DCST1: variants seen among roughly 807,000 people sequenced by gnomAD.
DCST1 encodes the protein DC-STAMP domain containing 1, also known as E3 ubiquitin-protein ligase DCST1.
DCST1 carries 78 observed loss-of-function variants against 89.1 expected under a neutral mutation model. That is an observed-to-expected ratio of 0.88 (90% CI 0.73 to 1.06). The LOEUF (loss-of-function observed/expected upper bound fraction) is 1.06. Ranked by LOEUF, DCST1 falls within the 50% of genes least tolerant of loss-of-function variation. The pLI is 0.00. For synonymous variants in DCST1, 364 were observed against 371.9 expected, an observed-to-expected ratio of 0.98 and a Z score of 0.24; for missense variants, 900 against 928.6, an observed-to-expected ratio of 0.97 and a Z score of 0.40.
chr1:155,036,047 C>CAAAAAAAAAAAA (rs11445380), intron 4 of DCST1, among the ~76,000 whole-genome samples: 1 of 71,246 alleles, frequency 1.4e-5, no homozygotes, highest in Non-Finnish European at 2.7e-5. Flanking sequence ...AACTCTGTCT[C>CAAAAAAAAAAAA]AAAAAAAAAA....
Position 155,050,816 on chromosome 1 carries a change from T to A in DCST1, c.2069T>A (p.Leu690His), listed in dbSNP as rs1410913245. The change falls in exon 17 of 17, where the codon CTC (leucine) becomes CAC (histidine). Residue 690 changes from leucine to histidine, a missense_variant. Transcript: ENST00000295542. ...RCPVCTPREELSSSAFSDSND... is the reference protein window; with the variant it reads ...RCPVCTPREEHSSSAFSDSND... The stretch of plus-strand genomic sequence containing the variant: ...CCGGTCTGCACGCCCCGCGAAGAGC[T>A]CTCTTCCTCCGCCTTTAGTGACAGC... The A allele has an allele frequency of 2.5e-6, 4 of 1,612,866 alleles. No individual in the cohort carries two copies. The highest frequency in any genetic ancestry group is 1.7e-4 in the Middle Eastern group (1 of 6,060).
Position 155,050,647 on chromosome 1 carries a change from G to T in DCST1, c.1900G>T (p.Gly634Cys). The change falls in exon 17 of 17, where the codon GGC becomes TGC. Residue 634 changes from glycine (G) to cysteine (C), a missense_variant. By Grantham distance (159) the Gly-to-Cys change is radical. Coordinates refer to ENST00000295542, the MANE Select transcript of DCST1 (RefSeq NM_152494.4). ...RHPLADILHR[G>C]CPLLRRWLCR... ...CCCGCTGGCGGATATCCTGCACCGC[G>T]GCTGCCCGCTCCTGCGCCGCTGGCT... The T allele has an allele frequency of 6.3e-7, 1 of 1,595,708 alleles. No homozygotes were observed. Among genetic ancestry groups the T allele is most frequent in the Non-Finnish European group, 8.5e-7 (1 of 1,174,670 alleles).
intron 13 of DCST1, among the ~76,000 whole-genome samples, chr1:155,046,737 C>G (rs1025403047): frequency 6.6e-6 from 1 of 151,576 alleles, no homozygotes; most frequent in African/African-American, 2.4e-5. Flanking sequence ...TCTTGAGTAG[C>G]TGAGATTACA....
rs750197431 is a variant in DCST1 at position 155,040,507 on chromosome 1, C to G, written c.414C>G (p.His138Gln). The change falls in exon 6 of 17, where the codon CAC (histidine) becomes CAG (glutamine). Residue 138 changes from histidine (H) to glutamine (Q), a missense_variant. Physicochemically the swap from His to Gln is conservative, Grantham distance 24. Coordinates refer to ENST00000295542, the MANE Select transcript of DCST1 (RefSeq NM_152494.4). ...IYVGPVANLR[H>Q]NLNNVIASLG... is the part of the protein sequence containing the mutation. ...CAGGGCCAGTAGCCAATCTGCGACACAATCTCAACAACGTGATCGCATCGC... is the reference window on the plus strand; with the variant it reads ...CAGGGCCAGTAGCCAATCTGCGACAGAATCTCAACAACGTGATCGCATCGC... 6.3e-7 allele frequency: 1 copy of G among 1,599,424 alleles called. No homozygotes were observed. The highest frequency in any genetic ancestry group is 1.3e-5 in the African/African-American group (1 of 74,878).
intron 6 of DCST1, 112 bp downstream of exon 6, chr1:155,040,736 G>A (rs1017023060): frequency 1.6e-5 from 22 of 1,417,330 alleles, no homozygotes; most frequent in Non-Finnish European, 1.9e-5. Flanking sequence ...GATACTACTG[G>A]CATTTTTTGC....
At chr1:155,040,095 G>A (rs188737996) in intron 5 of DCST1, among the ~76,000 whole-genome samples, 20 of 148,952 alleles carry the variant, frequency 1.3e-4, no homozygotes, top group Non-Finnish European at 2.7e-4. Flanking sequence ...GAAGTCAGGA[G>A]TTCGACACCA....
chr1:155,044,356 C>G (rs1660538293), intron 10 of DCST1, among the ~76,000 whole-genome samples: 1 of 151,980 alleles, frequency 6.6e-6, no homozygotes, highest in African/African-American at 2.4e-5. Context: ...GGGGCACATG[C>G]CTGTAGTCCC....
At chr1:155,035,434 T>A (rs963313668) in intron 4 of DCST1, among the ~76,000 whole-genome samples, 1 of 152,080 alleles carries the variant, frequency 6.6e-6, no homozygotes, top group Admixed American at 6.5e-5. Context: ...AGTTCTGGGA[T>A]TACAGGTGTA....
At chr1:155,041,136 G>C (rs1247686915) in intron 6 of DCST1, among the ~76,000 whole-genome samples, 1 of 152,166 alleles carries the variant, frequency 6.6e-6, no homozygotes. Context: ...TCTGGGATGG[G>C]AGGACTGAGG....
chr1:155,039,177 TC>T (rs1265939310), intron 4 of DCST1, among the ~76,000 whole-genome samples: 1 of 152,218 alleles, frequency 6.6e-6, no homozygotes, highest in Non-Finnish European at 1.5e-5. Context: ...GTTCTAGCCA[TC>T]CCTCTATGCC....
chr1:155,041,402 C>G lies in DCST1; in HGVS notation c.537C>G (p.Ser179Arg). ...CCCTCCACCTCCAATCCCAGAGTAG[C>G]AAAGAATTGCTGAGAGCAGAGACTC... is the stretch of plus-strand genomic sequence containing the variant. ...LRAMFKDLLSSKELLRAETRN... is the reference protein window; with the variant it reads ...LRAMFKDLLSRKELLRAETRN... The change falls in exon 7 of 17, where the codon AGC becomes AGG. Residue 179 changes from serine (S) to arginine (R), a missense_variant. By Grantham distance (110) the Ser-to-Arg change is moderately radical. Transcript: ENST00000295542. 6.2e-7 allele frequency: 1 copy of G among 1,613,660 alleles called. No individual in the cohort carries two copies.
chr1:155,035,810 G>A lies in DCST1; in HGVS notation c.262+1083G>A, dbSNP rs182150637. 1.0e-3 allele frequency among the ~76,000 whole-genome samples: 159 copies of A among 151,954 alleles called. 2 individuals are homozygous for A. Among genetic ancestry groups the A allele is most frequent in the African/African-American group, 3.7e-3 (152 of 41,444 alleles). On this transcript the variant is annotated intron_variant, in intron 4 of 16. Transcript: ENST00000295542. ...CCGGATGTGGTGGTGCACACCTGTA[G>A]TCCCAGCTTCTTGGGAGGCTGAGGC... is the stretch of plus-strand genomic sequence containing the variant.
chr1:155,036,171 G>A (rs1213932810), intron 4 of DCST1, among the ~76,000 whole-genome samples: 1 of 151,724 alleles, frequency 6.6e-6, no homozygotes, highest in Non-Finnish European at 1.5e-5. Context: ...TCAGAACTGC[G>A]TGCAACACAT....
rs1370579154 is a variant in DCST1 at position 155,041,806 on chromosome 1, C to T, written c.841C>T (p.His281Tyr). 5 of 1,614,142 alleles carry T rather than the reference C, an allele frequency of 3.1e-6. No individual in the cohort carries two copies. Among genetic ancestry groups the T allele is most frequent in the Non-Finnish European group, 4.2e-6 (5 of 1,180,050 alleles). ...MKHIWVPLLT[H>Y]LLCLPMKFKF... ...GCACATCTGGGTCCCACTCCTCACCCACCTGCTCTGCCTGCCTATGAAGTT... is the reference window on the plus strand; with the variant it reads ...GCACATCTGGGTCCCACTCCTCACCTACCTGCTCTGCCTGCCTATGAAGTT... The change falls in exon 8 of 17, where the codon CAC becomes TAC. Residue 281 changes from histidine to tyrosine, a missense_variant. Transcript: ENST00000295542.
chr1:155,037,297 T>C (rs1381284350), intron 4 of DCST1, among the ~76,000 whole-genome samples: 1 of 152,152 alleles, frequency 6.6e-6, no homozygotes, highest in Non-Finnish European at 1.5e-5. Flanking sequence ...TTCCCCTTCC[T>C]GCAGCGCCAG....
intron 8 of DCST1, 111 bp downstream of exon 8, chr1:155,041,968 G>A: frequency 6.9e-7 from 1 of 1,451,982 alleles, no homozygotes; most frequent in Non-Finnish European, 9.3e-7. Context: ...TTTTGGCCCT[G>A]AGGCCACAGC....
chr1:155,042,769 G>A lies in DCST1; in HGVS notation c.927G>A (p.Val309=), dbSNP rs763862619. The part of the protein sequence containing the change: ...MEVWCRNRIP[V]EGNFGQTYDS... Reference sequence around the variant, plus strand: ...TTTGGTGCCGCAATCGCATCCCAGTGGAAGGCAACTTTGGGCAGACCTACG... The same window carrying A: ...TTTGGTGCCGCAATCGCATCCCAGTAGAAGGCAACTTTGGGCAGACCTACG... Residue 309 remains valine (V), a synonymous_variant, in exon 9 of 17, where the codon GTG becomes GTA. Transcript: ENST00000295542. The A allele has an allele frequency of 3.8e-5, 61 of 1,614,100 alleles. No homozygotes were observed. The highest frequency in any genetic ancestry group is 5.1e-5 in the Non-Finnish European group (60 of 1,180,058).
chr1:155,043,001 C>G, intron 9 of DCST1, 145 bp downstream of exon 9: 1 of 1,311,484 alleles, frequency 7.6e-7, no homozygotes, highest in South Asian at 1.5e-5. Flanking sequence ...GGGGGAATGT[C>G]GCTGGTGTTG....
At chr1:155,049,204 C>T in intron 16 of DCST1, 1 of 613,380 alleles carries the variant, frequency 1.6e-6, no homozygotes, top group African/African-American at 1.8e-5. Flanking sequence ...TGGGCTTTTG[C>T]CTTCCATAAA....
Sources: allele counts gnomAD v4.1 joint callset (sites outside exome capture counted in the v4.1 genomes callset), GRCh38; gene constraint gnomAD v4.1.1; transcripts MANE v1.5; gene names NCBI Gene and HGNC (gene_info 2026-07-23, HGNC 2026-07-21).